The following CHRM5 variants were observed in gnomAD, a reference collection of about 807,000 sequenced individuals.
CHRM5 encodes muscarinic acetylcholine receptor M5.
In CHRM5, 18 loss-of-function variants were observed where a neutral mutation model predicts 39.0. The observed-to-expected ratio is 0.46, with a 90% CI of 0.32 to 0.68. The LOEUF is 0.68. Among genes scored for constraint, CHRM5 ranks in the 30% least tolerant of loss-of-function variants. The pLI, the probability that CHRM5 is intolerant of heterozygous loss-of-function variation, is 0.04. For missense variants in CHRM5, 515 were observed against 651.1 expected, an observed-to-expected ratio of 0.79 and a Z score of 2.28; for synonymous variants, 241 against 246.3, an observed-to-expected ratio of 0.98 and a Z score of 0.20.
chr15:33,984,831 C>T (rs1896353262), intron 1 of CHRM5, among the ~76,000 whole-genome samples: 1 of 152,070 alleles, frequency 6.6e-6, no homozygotes, highest in South Asian at 2.1e-4. Flanking sequence ...AAATCACACC[C>T]AATAACCACA....
intron 1 of CHRM5, chr15:34,006,973 A>C (rs1897382001): frequency 1.4e-6 from 1 of 695,934 alleles, no homozygotes; most frequent in Non-Finnish European, 1.8e-6. Flanking sequence ...GAAAACTATA[A>C]AGATAAAGGC....
At chr15:34,007,121 T>G in intron 1 of CHRM5, 3 of 902,624 alleles carry the variant, frequency 3.3e-6, no homozygotes, top group Non-Finnish European at 4.0e-6. Flanking sequence ...GAAGACCTAT[T>G]ATATAATCAA....
At chr15:33,985,095 C>T (rs1896365510) in intron 1 of CHRM5, among the ~76,000 whole-genome samples, 1 of 152,100 alleles carries the variant, frequency 6.6e-6, no homozygotes, top group African/African-American at 2.4e-5. Flanking sequence ...GGTTTCCTCA[C>T]ATCTATATCA....
intron 1 of CHRM5, among the ~76,000 whole-genome samples, chr15:34,045,701 T>TAAA (rs879353266): frequency 2.2e-5 from 3 of 138,436 alleles, no homozygotes; most frequent in Non-Finnish European, 3.1e-5. Context: ...AAGCTTCTCA[T>TAAA]AAAAAAAAAA....
At chr15:34,024,191 T>C (rs1192104437) in intron 1 of CHRM5, among the ~76,000 whole-genome samples, 2 of 152,160 alleles carry the variant, frequency 1.3e-5, no homozygotes, top group South Asian at 2.1e-4. Context: ...ACCAATTCCA[T>C]GCACCCATGA....
chr15:34,031,076 GA>G (rs1293042853), intron 1 of CHRM5, among the ~76,000 whole-genome samples: 1 of 150,622 alleles, frequency 6.6e-6, no homozygotes, highest in African/African-American at 2.4e-5. Flanking sequence ...TACAAAAATA[GA>G]GGAATCACAA....
intron 1 of CHRM5, among the ~76,000 whole-genome samples, chr15:33,970,164 G>T (rs1223383446): frequency 6.6e-6 from 1 of 151,930 alleles, no homozygotes; most frequent in Non-Finnish European, 1.5e-5. Context: ...AAAGTTATCA[G>T]AAGTAAGTAT....
At chr15:33,995,851 G>A (rs913133868) in intron 1 of CHRM5, among the ~76,000 whole-genome samples, 4 of 152,318 alleles carry the variant, frequency 2.6e-5, no homozygotes, top group South Asian at 2.1e-4. Context: ...TGCAGGCCAC[G>A]GAGGGCGAGC....
At chr15:34,061,167 G>A (rs1038633198) in intron 2 of CHRM5, among the ~76,000 whole-genome samples, 1 of 152,092 alleles carries the variant, frequency 6.6e-6, no homozygotes, top group Non-Finnish European at 1.5e-5. Context: ...AAAATGGGGA[G>A]CTTGCAAGCT....
intron 1 of CHRM5, among the ~76,000 whole-genome samples, chr15:34,033,119 T>C (rs2140770149): frequency 6.6e-6 from 1 of 152,240 alleles, no homozygotes; most frequent in East Asian, 1.9e-4. Flanking sequence ...CTGAATCCTA[T>C]CTCGTGCAGG....
chr15:33,990,893 A>G (rs1438356795), intron 1 of CHRM5: 1 of 152,256 alleles, frequency 6.6e-6, no homozygotes, highest in Admixed American at 6.5e-5. Context: ...ATATAATAGA[A>G]GCACTGAACA....
chr15:34,041,317 G>C (rs966393350), intron 1 of CHRM5, among the ~76,000 whole-genome samples: 2 of 152,040 alleles, frequency 1.3e-5, no homozygotes, highest in African/African-American at 4.8e-5. Flanking sequence ...GTACGTTTTA[G>C]TATCTAAGGA....
chr15:34,043,900 GTT>G lies in CHRM5; in HGVS notation c.-407-2639_-407-2638del, dbSNP rs1899582674. On this transcript the variant is annotated intron_variant, in intron 1 of 2. Transcript: ENST00000383263. ...ACCTATATTGTCTGCCTTCCTTCCT[GTT>G]AGTATAGAGGGGTCTCTGTCCCAGT... 3.3e-5 allele frequency among the ~76,000 whole-genome samples: 5 copies of G among 151,994 alleles called. No homozygotes were observed. The South Asian group carries it at 1.0e-3, about 32-fold the overall frequency.
rs538024048 is a variant in CHRM5 at position 34,057,981 on chromosome 15, T to G, written c.-75-4662T>G. Among the ~76,000 whole-genome samples, 3 of 152,300 alleles carry G rather than the reference T, an allele frequency of 2.0e-5. No individual in the cohort carries two copies. In the South Asian group the frequency reaches 6.2e-4, roughly 32 times the overall value. ...GAGATTTATTTTTATTTTAAAGGAC[T>G]GGGTCACATGATTGTAGGGGCTAGC... is the stretch of plus-strand genomic sequence containing the variant. On this transcript the variant is annotated intron_variant, in intron 2 of 2. Coordinates refer to ENST00000383263, the MANE Select transcript of CHRM5 (RefSeq NM_012125.4).
At chr15:33,986,940 A>G (rs556970663) in intron 1 of CHRM5, among the ~76,000 whole-genome samples, 4 of 152,338 alleles carry the variant, frequency 2.6e-5, no homozygotes, top group Admixed American at 2.0e-4. Context: ...TACAGGCATG[A>G]GCCACCGCGC....
In CHRM5 at chr15:34,064,044, A is replaced by G. The variant is rs930066323; in HGVS notation, c.1327A>G (p.Thr443Ala). The G allele has an allele frequency of 3.1e-6, 5 of 1,614,042 alleles. No homozygotes were observed. Reference protein sequence around the residue: ...VLVKERKAAQTLSAILLAFII... With the variant: ...VLVKERKAAQALSAILLAFII... ...AGTCAAAGAGAGGAAAGCAGCCCAG[A>G]CACTGAGTGCCATTCTCCTGGCCTT... Residue 443 changes from threonine (T) to alanine (A), a missense_variant, in exon 3 of 3, where the codon ACA (threonine) becomes GCA (alanine). Transcript: ENST00000383263.
chr15:33,986,404 C>T (rs189330811), intron 1 of CHRM5, among the ~76,000 whole-genome samples: 5 of 152,128 alleles, frequency 3.3e-5, no homozygotes, highest in South Asian at 2.1e-4. Flanking sequence ...CCACCGCGCC[C>T]GGCCCACTGT....
rs992041030 is a variant in CHRM5 at position 33,975,193 on chromosome 15, C to G, written c.-408+6043C>G. Among the ~76,000 whole-genome samples the G allele has an allele frequency of 2.0e-5, 3 of 152,280 alleles. No homozygotes were observed. In the East Asian group the frequency reaches 5.8e-4, roughly 29 times the overall value. ...CCTCCACACGCTTCTTGGACACCTT[C>G]TAAGATATGTTTGTTGTAATTGTTC... On this transcript the variant is annotated intron_variant, in intron 1 of 2. Transcript: ENST00000383263.
At chr15:33,997,667 CTT>C (rs558333846) in intron 1 of CHRM5, among the ~76,000 whole-genome samples, 203 of 152,288 alleles carry the variant, frequency 1.3e-3, no homozygotes, top group African/African-American at 4.7e-3. Flanking sequence ...ATCCCAATAT[CTT>C]TTTACTGCCC....
Sources: allele counts gnomAD v4.1 joint callset (sites outside exome capture counted in the v4.1 genomes callset), GRCh38; gene constraint gnomAD v4.1.1; transcripts MANE v1.5; gene names NCBI Gene and HGNC (gene_info 2026-07-23, HGNC 2026-07-21).